UBA2: variants seen among roughly 807,000 people sequenced by gnomAD.
The protein encoded by UBA2 is SUMO-activating enzyme subunit 2.
Under a neutral mutation model 77.2 loss-of-function variants are expected in UBA2, and 11 were observed. That is an observed-to-expected ratio of 0.14 (90% CI 0.09 to 0.24). The LOEUF (loss-of-function observed/expected upper bound fraction) is 0.24, where lower values mean the gene tolerates loss of function less well. UBA2 is among the 10% of genes least tolerant of loss of function. UBA2 has a pLI of 1.00. For synonymous variants in UBA2, 278 were observed against 276.7 expected (o/e 1.00, Z -0.05); for missense variants, 487 against 781.7 (o/e 0.62, Z 4.50).
At chr19:34,438,516 A>T in intron 5 of UBA2, 129 bp from the exon 6 acceptor site, 1 of 1,140,598 alleles carries the variant, frequency 8.8e-7, no homozygotes, top group Non-Finnish European at 1.2e-6. Flanking sequence ...TGGAGTCACT[A>T]ATATTTTAAA....
At chr19:34,443,731 C>T (rs911237131) in intron 6 of UBA2, 113 bp from the exon 7 acceptor site, 12 of 753,770 alleles carry the variant, frequency 1.6e-5, no homozygotes, top group African/African-American at 1.2e-4. Context: ...TGAGCCACTG[C>T]GCCCAGCCAG....
chr19:34,459,996 TC>T (rs1027406664), intron 13 of UBA2, among the ~76,000 whole-genome samples: 4 of 152,232 alleles, frequency 2.6e-5, no homozygotes, highest in African/African-American at 9.6e-5. Flanking sequence ...AGAGAGTTCC[TC>T]CTTTTTTCCT....
intron 3 of UBA2, 21 bp from the exon 4 acceptor site, chr19:34,433,327 T>C: frequency 1.3e-6 from 2 of 1,585,366 alleles, no homozygotes; most frequent in Non-Finnish European, 1.7e-6. Flanking sequence ...TTTGGTGACC[T>C]TTTTTTATTT....
At chr19:34,462,415 A>G (rs916550988) in intron 14 of UBA2, among the ~76,000 whole-genome samples, 2 of 152,266 alleles carry the variant, frequency 1.3e-5, no homozygotes, top group Middle Eastern at 3.4e-3. Context: ...TTTGAATGTG[A>G]TGGTTCCAAG....
At chr19:34,452,896 A>C (rs1256864093) in intron 10 of UBA2, among the ~76,000 whole-genome samples, 1 of 152,196 alleles carries the variant, frequency 6.6e-6, no homozygotes, top group Non-Finnish European at 1.5e-5. Flanking sequence ...GATTCTTGGG[A>C]TTCTTATAAA....
intron 6 of UBA2, among the ~76,000 whole-genome samples, chr19:34,439,952 A>G (rs1047955464): frequency 1.3e-5 from 2 of 152,196 alleles, no homozygotes; most frequent in Middle Eastern, 3.2e-3. Flanking sequence ...TAAATAGGCT[A>G]TAAGAAAAAA....
intron 5 of UBA2, among the ~76,000 whole-genome samples, chr19:34,436,888 G>T (rs1198202640): frequency 6.6e-6 from 1 of 152,122 alleles, no homozygotes; most frequent in Non-Finnish European, 1.5e-5. Flanking sequence ...GTATGTCAGT[G>T]CGTATTAAGT....
rs146166130 is a variant in UBA2 at position 34,443,717 on chromosome 19, G to A, written c.582-127G>A. The A allele has an allele frequency of 6.6e-5, 43 of 654,466 alleles. No individual in the cohort carries two copies. The East Asian group carries it at 1.2e-3, about 19-fold the overall frequency. 40.5% of individuals were successfully genotyped at this position (654,466 alleles called of 1,614,324 possible). A position where few individuals can be genotyped will look rare whatever the true frequency, so the allele number is the denominator to read the frequency against. ...AGCCTCCCAAAATGTTGGGATTAAA[G>A]GTGTGAGCCACTGCGCCCAGCCAGT... is the stretch of plus-strand genomic sequence containing the variant. On this transcript the variant is annotated intron_variant, in intron 6 of 16. Coordinates refer to ENST00000246548, the MANE Select transcript of UBA2 (RefSeq NM_005499.3).
intron 6 of UBA2, among the ~76,000 whole-genome samples, chr19:34,442,608 T>G (rs973176548): frequency 1.1e-4 from 17 of 152,214 alleles, no homozygotes; most frequent in African/African-American, 4.1e-4. Flanking sequence ...ATATTTGTAT[T>G]TTAGTAGATA....
chr19:34,454,100 C>G (rs1014567036), intron 10 of UBA2, among the ~76,000 whole-genome samples, 160 bp from the exon 11 acceptor site: 3 of 152,170 alleles, frequency 2.0e-5, no homozygotes, highest in African/African-American at 7.2e-5. Flanking sequence ...CACCTCCATG[C>G]TACTGTGAGG....
chr19:34,446,583 A>C (rs974749563), intron 8 of UBA2, among the ~76,000 whole-genome samples: 1 of 149,066 alleles, frequency 6.7e-6, no homozygotes, highest in Non-Finnish European at 1.5e-5. Context: ...GTGGTAACAG[A>C]TGTCACATGT....
chr19:34,467,421 T>C (rs1371697106), intron 16 of UBA2, among the ~76,000 whole-genome samples: 1 of 150,824 alleles, frequency 6.6e-6, no homozygotes, highest in Non-Finnish European at 1.5e-5. Flanking sequence ...TGAGCCATGA[T>C]TGCACCACTG....
chr19:34,450,389 A>ATTCTTT (rs756178540), intron 9 of UBA2, 25 bp downstream of exon 9: 9 of 1,511,526 alleles, frequency 6.0e-6, no homozygotes, highest in Middle Eastern at 1.7e-4. Context: ...TTAGTCTTGG[A>ATTCTTT]ACACCTAAGC....
intron 16 of UBA2, among the ~76,000 whole-genome samples, chr19:34,467,921 GTA>G: frequency 6.6e-6 from 1 of 152,212 alleles, no homozygotes; most frequent in Non-Finnish European, 1.5e-5. Context: ...TTGGGGTTTT[GTA>G]TGCTTGTTTT....
chr19:34,430,476 A>G (rs1217187493), intron 1 of UBA2, 100 bp from the exon 2 acceptor site: 28 of 761,076 alleles, frequency 3.7e-5, no homozygotes, highest in Non-Finnish European at 5.8e-5. Flanking sequence ...CCACTAATGT[A>G]GCAGATATCA....
chr19:34,458,725 T>C, intron 12 of UBA2, 44 bp from the exon 13 acceptor site: 1 of 1,569,836 alleles, frequency 6.4e-7, no homozygotes, highest in Non-Finnish European at 8.7e-7. Context: ...GCGTATAAAA[T>C]TACAGCACGT....
At chr19:34,447,825 G>T (rs1467807970) in intron 8 of UBA2, among the ~76,000 whole-genome samples, 2 of 152,168 alleles carry the variant, frequency 1.3e-5, no homozygotes, top group African/African-American at 4.8e-5. Context: ...GTTAGGGAGA[G>T]GCTTCAGAAG....
intron 8 of UBA2, among the ~76,000 whole-genome samples, chr19:34,449,663 T>C (rs1162704366): frequency 6.6e-6 from 1 of 152,238 alleles, no homozygotes; most frequent in African/African-American, 2.4e-5. Flanking sequence ...AGTTTCTCAA[T>C]CTACTTGTAA....
chr19:34,460,245 G>A (rs2075616111), intron 13 of UBA2, among the ~76,000 whole-genome samples: 1 of 152,156 alleles, frequency 6.6e-6, no homozygotes, highest in South Asian at 2.1e-4. Context: ...CTAGTCCCCT[G>A]TTGAGATGAA....
Sources: allele counts gnomAD v4.1 joint callset (sites outside exome capture counted in the v4.1 genomes callset), GRCh38; gene constraint gnomAD v4.1.1; transcripts MANE v1.5; gene names NCBI Gene and HGNC (gene_info 2026-07-23, HGNC 2026-07-21).